Variants in AGPS observed in about 807,000 individuals in gnomAD.
AGPS encodes the protein alkyldihydroxyacetonephosphate synthase, peroxisomal.
Under a neutral mutation model 90.7 loss-of-function variants are expected in AGPS, and 26 were observed. That is an observed-to-expected ratio of 0.29 (90% CI 0.21 to 0.40). AGPS has a LOEUF of 0.40. AGPS is among the 10% of genes least tolerant of loss of function. AGPS has a pLI of 1.00. For missense variants in AGPS, 540 were observed against 816.1 expected (o/e 0.66, Z 4.12); for synonymous variants, 294 against 285.3 (o/e 1.03, Z -0.31).
intron 19 of AGPS, among the ~76,000 whole-genome samples, chr2:177,537,274 A>T (rs918728926): frequency 2.0e-5 from 3 of 152,150 alleles, no homozygotes. Context: ...TATGTTTTTC[A>T]TTGAGTACCT....
intron 10 of AGPS, among the ~76,000 whole-genome samples, chr2:177,473,036 C>T (rs1403631785): frequency 1.3e-5 from 2 of 152,174 alleles, no homozygotes; most frequent in African/African-American, 2.4e-5. Context: ...CTGTTACTCT[C>T]TACTTTTTGT....
At chr2:177,481,025 A>C (rs1386996426) in intron 10 of AGPS, among the ~76,000 whole-genome samples, 3 of 152,032 alleles carry the variant, frequency 2.0e-5, no homozygotes, top group Non-Finnish European at 4.4e-5. Context: ...ATCTAATGTA[A>C]TTTGCTTTTC....
chr2:177,541,086 T>C lies in AGPS; in HGVS notation c.*2891T>C, dbSNP rs1044190361. 2.0e-5 allele frequency: 3 copies of C among 152,186 alleles called. No individual in the cohort carries two copies. The highest frequency in any genetic ancestry group is 2.9e-5 in the Non-Finnish European group (2 of 68,030). The allele number at this position is 152,186 out of a possible 1,614,324, so 9.4% of individuals were successfully genotyped here. On this transcript the variant is annotated 3_prime_UTR_variant, in exon 20 of 20. Transcript: ENST00000264167. ...TTTCTTCCTAAAAGTGCTTACATAT[T>C]GTAGTACTATTACTTAAAAGTTATT...
At chr2:177,452,157 C>T (rs1213460231) in intron 8 of AGPS, among the ~76,000 whole-genome samples, 3 of 152,140 alleles carry the variant, frequency 2.0e-5, no homozygotes, top group Non-Finnish European at 2.9e-5. Flanking sequence ...TGTTTTCCTG[C>T]TGCTGTTTGG....
At chr2:177,406,708 A>G (rs1047159422) in intron 1 of AGPS, among the ~76,000 whole-genome samples, 2 of 152,338 alleles carry the variant, frequency 1.3e-5, no homozygotes, top group Admixed American at 6.5e-5. Context: ...GAACATGGAA[A>G]ATACTGTTTT....
At chr2:177,399,194 G>A (rs1685264460) in intron 1 of AGPS, among the ~76,000 whole-genome samples, 1 of 152,136 alleles carries the variant, frequency 6.6e-6, no homozygotes, top group Admixed American at 6.5e-5. Context: ...GATACTTTAT[G>A]GAACACTTTA....
At chr2:177,430,840 T>G (rs2105621960) in intron 2 of AGPS, among the ~76,000 whole-genome samples, 1 of 152,320 alleles carries the variant, frequency 6.6e-6, no homozygotes, top group East Asian at 1.9e-4. Context: ...TTTTGAAAAA[T>G]GTCACTATTT....
intron 17 of AGPS, among the ~76,000 whole-genome samples, chr2:177,516,019 A>AAT (rs1035441489): frequency 2.6e-5 from 4 of 152,234 alleles, no homozygotes; most frequent in Non-Finnish European, 5.9e-5. Flanking sequence ...ATCAGGTGCT[A>AAT]TGCTCACTAC....
At chr2:177,429,271 C>T (rs551962832) in intron 2 of AGPS, among the ~76,000 whole-genome samples, 2 of 152,096 alleles carry the variant, frequency 1.3e-5, no homozygotes, top group African/African-American at 4.8e-5. Flanking sequence ...TTTAGCTCAG[C>T]GAAGTTCGTT....
chr2:177,473,970 T>C (rs1484569788), intron 10 of AGPS, among the ~76,000 whole-genome samples: 2 of 152,238 alleles, frequency 1.3e-5, no homozygotes, highest in Non-Finnish European at 2.9e-5. Context: ...CTGCAGTATA[T>C]ATATGAAGCA....
chr2:177,450,082 C>G (rs1686894024), intron 8 of AGPS, among the ~76,000 whole-genome samples: 1 of 152,156 alleles, frequency 6.6e-6, no homozygotes, highest in Non-Finnish European at 1.5e-5. Context: ...TGTGATCCAT[C>G]TACCTCGGCC....
intron 11 of AGPS, among the ~76,000 whole-genome samples, chr2:177,487,769 T>C (rs779937575): frequency 3.9e-5 from 6 of 152,178 alleles, no homozygotes; most frequent in Non-Finnish European, 8.8e-5. Context: ...GATCATTTAC[T>C]GTTTGATCCA....
intron 7 of AGPS, 116 bp from the exon 8 acceptor site, chr2:177,445,430 A>C: frequency 4.7e-6 from 4 of 859,288 alleles, no homozygotes; most frequent in Non-Finnish European, 7.7e-6. Flanking sequence ...GGTTGAGGGG[A>C]ACCCTTCTTG....
chr2:177,400,265 T>C (rs919620169), intron 1 of AGPS, among the ~76,000 whole-genome samples: 2 of 152,194 alleles, frequency 1.3e-5, no homozygotes, highest in South Asian at 4.1e-4. Context: ...TGTTCACATA[T>C]TATTTACGAG....
At chr2:177,433,012 C>A (rs75009326) in intron 2 of AGPS, among the ~76,000 whole-genome samples, 1 of 152,106 alleles carries the variant, frequency 6.6e-6, no homozygotes, top group East Asian at 1.9e-4. Flanking sequence ...TAAAGATATA[C>A]GTCCATGACC....
chr2:177,536,873 C>T (rs941496877), intron 19 of AGPS, among the ~76,000 whole-genome samples: 67 of 152,102 alleles, frequency 4.4e-4, no homozygotes, highest in African/African-American at 1.3e-3. Flanking sequence ...TAGTTGAGCT[C>T]GAAATGGTAT....
intron 17 of AGPS, among the ~76,000 whole-genome samples, chr2:177,519,685 G>A (rs1248092893): frequency 6.6e-6 from 1 of 152,118 alleles, no homozygotes; most frequent in Non-Finnish European, 1.5e-5. Flanking sequence ...AGTCTGTTGA[G>A]CCAGGAGAAT....
At chr2:177,464,544 G>C (rs1297973329) in intron 9 of AGPS, among the ~76,000 whole-genome samples, 1 of 152,244 alleles carries the variant, frequency 6.6e-6, no homozygotes, top group Non-Finnish European at 1.5e-5. Flanking sequence ...CATCTGAAGA[G>C]TCAGAAGTCT....
At chr2:177,461,761 TTTTG>T in intron 8 of AGPS, 128 bp from the exon 9 acceptor site, 1 of 698,100 alleles carries the variant, frequency 1.4e-6, no homozygotes, top group Non-Finnish European at 2.1e-6. Context: ...TTTTTTTTTT[TTTTG>T]CTATGTAGGA....
Sources: allele counts gnomAD v4.1 joint callset (sites outside exome capture counted in the v4.1 genomes callset), GRCh38; gene constraint gnomAD v4.1.1; transcripts MANE v1.5; gene names NCBI Gene and HGNC (gene_info 2026-07-23, HGNC 2026-07-21).